Variants in NF1 observed in about 807,000 individuals in gnomAD.
The protein encoded by NF1 is neurofibromin.
Under a neutral mutation model 325.7 loss-of-function variants are expected in NF1, and 122 were observed. The ratio of observed to expected loss-of-function variants is 0.37; its 90% CI spans 0.32 to 0.44. The LOEUF is 0.44. NF1 is among the 20% of genes least tolerant of loss of function. NF1 has a pLI of 1.00. For missense variants in NF1, 2,140 were observed against 3,415.4 expected (o/e 0.63, Z 9.31); for synonymous variants, 1,091 against 1,186.0 (o/e 0.92, Z 1.65).
chr17:31,319,165 T>A lies in NF1; in HGVS notation c.4836-6655T>A, dbSNP rs2069111689. On this transcript the variant is annotated intron_variant, in intron 36 of 57. Coordinates refer to ENST00000358273, the MANE Select transcript of NF1 (RefSeq NM_001042492.3). The stretch of plus-strand genomic sequence containing the variant: ...AATATTCGCTACCCTGAATTCCTTC[T>A]CAACTAAATTTCTTTTCTATTCAGC... 8.2e-6 allele frequency: 7 copies of A among 849,520 alleles called. 1 individual carries two copies. The South Asian group carries it at 1.3e-4, about 16-fold the overall frequency. The allele number at this position is 849,520 out of a possible 1,614,324, so 52.6% of individuals were successfully genotyped here.
intron 1 of NF1, among the ~76,000 whole-genome samples, chr17:31,108,808 A>G (rs1913130159): frequency 1.3e-5 from 2 of 152,194 alleles, no homozygotes; most frequent in Admixed American, 1.3e-4. Context: ...TTTCTACTGG[A>G]ATGAGTTAAC....
chr17:31,302,178 G>A (rs926706705), intron 36 of NF1, among the ~76,000 whole-genome samples: 1 of 152,120 alleles, frequency 6.6e-6, no homozygotes, highest in Non-Finnish European at 1.5e-5. Flanking sequence ...CCCGGCTGCT[G>A]CCAGTAGTCT....
At chr17:31,189,150 A>G (rs1055858504) in intron 8 of NF1, among the ~76,000 whole-genome samples, 1 of 152,068 alleles carries the variant, frequency 6.6e-6, no homozygotes, top group Non-Finnish European at 1.5e-5. Flanking sequence ...TTTACTGGTT[A>G]TTTGTGTATC....
intron 36 of NF1, chr17:31,294,789 A>C (rs1597789915): frequency 1.7e-6 from 1 of 590,218 alleles, no homozygotes; most frequent in Non-Finnish European, 3.0e-6. Flanking sequence ...GAAACTCATT[A>C]GTTTACTTAA....
At chr17:31,369,318 T>C (rs2070589364) in intron 57 of NF1, among the ~76,000 whole-genome samples, 1 of 152,186 alleles carries the variant, frequency 6.6e-6, no homozygotes, top group South Asian at 2.1e-4. Context: ...GCTACTCAAA[T>C]TCACTGAATT....
chr17:31,247,976 G>A (rs2067426512), intron 29 of NF1, among the ~76,000 whole-genome samples: 1 of 152,170 alleles, frequency 6.6e-6, no homozygotes, highest in South Asian at 2.1e-4. Flanking sequence ...GCCGAGGCAG[G>A]TGGGTCACTT....
At chr17:31,231,540 C>G (rs1016659653) in intron 24 of NF1, among the ~76,000 whole-genome samples, 1 of 152,148 alleles carries the variant, frequency 6.6e-6, no homozygotes, top group Non-Finnish European at 1.5e-5. Flanking sequence ...ATGCTCAAGT[C>G]CCTGACTTAA....
At position 31,258,510 on chromosome 17, in the gene NF1, A is replaced by G. The variant is rs773883353; in HGVS notation, c.4332+8A>G. ...TTGAAGTTAATGTCAAAGGTGAATT[A>G]TTTTGATAATCTAGCTATCTTAAAT... On this transcript the variant is annotated splice_region_variant and intron_variant, in intron 32 of 57. Transcript: ENST00000358273. The G allele has an allele frequency of 1.2e-6, 2 of 1,613,366 alleles. No homozygotes were observed. Among genetic ancestry groups the G allele is most frequent in the Non-Finnish European group, 8.5e-7 (1 of 1,179,728 alleles).
intron 12 of NF1, among the ~76,000 whole-genome samples, chr17:31,207,231 C>G (rs917708521): frequency 1.3e-5 from 2 of 151,984 alleles, no homozygotes; most frequent in African/African-American, 4.8e-5. Flanking sequence ...TCAGAAAAGT[C>G]CTTGGTTTCT....
chr17:31,295,533 A>G lies in NF1; in HGVS notation c.4835+30194A>G, dbSNP rs376419111. 4 of 1,614,016 alleles carry G rather than the reference A, an allele frequency of 2.5e-6. No individual in the cohort carries two copies. Among genetic ancestry groups the G allele is most frequent in the South Asian group, 1.1e-5 (1 of 91,082 alleles). ...GAGGTAAATCCAGAAGGTGTGGGAT[A>G]CATGTTATGTTCCTTTAAAGATGAT... On this transcript the variant is annotated intron_variant, in intron 36 of 57. Coordinates refer to ENST00000358273, the MANE Select transcript of NF1 (RefSeq NM_001042492.3).
chr17:31,125,091 CT>C (rs1210507837), intron 1 of NF1, among the ~76,000 whole-genome samples: 1 of 152,076 alleles, frequency 6.6e-6, no homozygotes, highest in East Asian at 1.9e-4. Flanking sequence ...ACCATTCCCC[CT>C]ACCACTATCT....
intron 36 of NF1, chr17:31,314,386 C>T (rs2068968210): frequency 5.8e-6 from 1 of 172,094 alleles, no homozygotes; most frequent in Non-Finnish European, 1.2e-5. Context: ...GATTTCTTCT[C>T]ATAAGAAGTG....
chr17:31,325,937 C>T lies in NF1; in HGVS notation c.4953C>T (p.Ser1651=), dbSNP rs941643920. The T allele has an allele frequency of 6.2e-7, 1 of 1,614,178 alleles. No individual in the cohort carries two copies. The highest frequency in any genetic ancestry group is 8.5e-7 in the Non-Finnish European group (1 of 1,180,030). The change falls in exon 37 of 58, where the codon AGC becomes AGT. Residue 1651 remains serine, a synonymous_variant. Transcript: ENST00000358273. ...TGGACCTTACCCATACCGGGCCTAG[C>T]AATCGCTTTAAAACAGACTTTCTCT... ...IVVDLTHTGP[S]NRFKTDFLSK...
At chr17:31,102,410 G>A (rs1304054507) in intron 1 of NF1, among the ~76,000 whole-genome samples, 2 of 152,060 alleles carry the variant, frequency 1.3e-5, no homozygotes, top group Non-Finnish European at 2.9e-5. Context: ...AGGCTAGAGT[G>A]CAGTGTAGCT....
chr17:31,259,141 GC>G lies in NF1; in HGVS notation c.4430+14del, dbSNP rs774927748. ...GATGCAGCACGCAGGTAATTTTCTT[GC>G]CACTTACTCAGTTGCTCTGTTTGAA... On this transcript the variant is annotated intron_variant, in intron 33 of 57. Transcript: ENST00000358273. The G allele has an allele frequency of 1.0e-5, 16 of 1,563,150 alleles. No individual in the cohort carries two copies. In the Admixed American group the frequency reaches 1.7e-4, roughly 17 times the overall value.
chr17:31,340,631 A>C lies in NF1; in HGVS notation c.7048A>C (p.Ile2350Leu), dbSNP rs1381254564. The C allele has an allele frequency of 1.9e-6, 3 of 1,614,176 alleles. No homozygotes were observed. Among genetic ancestry groups the C allele is most frequent in the Non-Finnish European group, 2.5e-6 (3 of 1,180,024 alleles). ...CCTGCATACTTTAGATAGTCTCCGTATATTCAATGACAAGGTAAGCAAACT... is the reference window on the plus strand; with the variant it reads ...CCTGCATACTTTAGATAGTCTCCGTCTATTCAATGACAAGGTAAGCAAACT... ...QNLHTLDSLR[I>L]FNDKSPEEVF... Residue 2350 changes from isoleucine to leucine, a missense_variant, in exon 47 of 58, where the codon ATA (isoleucine) becomes CTA (leucine). Physicochemically the swap from Ile to Leu is conservative, Grantham distance 5. This residue lies in a region of NF1 where 522 missense variants were observed against 749.0 expected (regional missense o/e 0.70). Transcript: ENST00000358273.
At chr17:31,170,128 A>T (rs2065906938) in intron 5 of NF1, 131 bp downstream of exon 5, 2 of 653,242 alleles carry the variant, frequency 3.1e-6, no homozygotes, top group Non-Finnish European at 5.5e-6. Flanking sequence ...TTCCTTGTGA[A>T]ATAACCAGTA....
intron 8 of NF1, among the ~76,000 whole-genome samples, chr17:31,186,326 A>G (rs759164503): frequency 8.5e-5 from 13 of 152,204 alleles, no homozygotes; most frequent in Non-Finnish European, 1.8e-4. Context: ...GGTTCTGCAC[A>G]ATATGCAGGC....
Position 31,098,933 on chromosome 17 carries a change from G to GGA in NF1, c.60+3564_60+3565insGA, listed in dbSNP as rs1912041822. On this transcript the variant is annotated intron_variant, in intron 1 of 57. Coordinates refer to ENST00000358273, the MANE Select transcript of NF1 (RefSeq NM_001042492.3). ...GGTGACAGAGCGAGACTCCATCTCA[G>GGA]AAAAAAAAAAAAAAAAAAAGAATCT... Among the ~76,000 whole-genome samples, 12 of 100,358 alleles carry GGA rather than the reference G, an allele frequency of 1.2e-4. No homozygotes were observed. The South Asian group carries it at 3.9e-3, about 33-fold the overall frequency. 65.8% of individuals were successfully genotyped at this position (100,358 alleles called of 152,430 possible). A position where few individuals can be genotyped will look rare whatever the true frequency, so the allele number is the denominator to read the frequency against.
Sources: allele counts gnomAD v4.1 joint callset (sites outside exome capture counted in the v4.1 genomes callset), GRCh38; gene constraint gnomAD v4.1.1; regional missense constraint gnomAD v4.1.1; transcripts MANE v1.5; gene names NCBI Gene and HGNC (gene_info 2026-07-23, HGNC 2026-07-21).